Variants in ANO4 observed in about 807,000 individuals in gnomAD.
ANO4 encodes the protein anoctamin 4, also known as anoctamin-4.
Under a neutral mutation model 141.9 loss-of-function variants are expected in ANO4, and 69 were observed. That is an observed-to-expected ratio of 0.49 (90% CI 0.40 to 0.59). ANO4 has a LOEUF of 0.59. Ranked by LOEUF, ANO4 falls within the 20% of genes least tolerant of loss-of-function variation. The pLI, the probability that ANO4 is intolerant of heterozygous loss-of-function variation, is 0.00. For synonymous variants in ANO4, 350 were observed against 394.3 expected (o/e 0.89, Z 1.33); for missense variants, 894 against 1,162.2 (o/e 0.77, Z 3.36).
chr12:100,843,274 A>G (rs2037378532), intron 1 of ANO4, among the ~76,000 whole-genome samples: 1 of 152,200 alleles, frequency 6.6e-6, no homozygotes, highest in African/African-American at 2.4e-5. Context: ...CAGCATCAAT[A>G]TCATGATTCT....
chr12:100,973,426 T>C (rs1007379466), intron 6 of ANO4, among the ~76,000 whole-genome samples: 4 of 152,234 alleles, frequency 2.6e-5, no homozygotes, highest in African/African-American at 9.6e-5. Context: ...AAGTTTAGTC[T>C]CCATGGATTT....
intron 14 of ANO4, among the ~76,000 whole-genome samples, chr12:101,048,640 G>C (rs1364583444): frequency 6.6e-6 from 1 of 152,166 alleles, no homozygotes; most frequent in Non-Finnish European, 1.5e-5. Context: ...TATTAGAGTA[G>C]AATTTACTTT....
chr12:100,903,915 C>G (rs961454816), intron 2 of ANO4, among the ~76,000 whole-genome samples: 3 of 152,242 alleles, frequency 2.0e-5, no homozygotes, highest in African/African-American at 7.2e-5. Context: ...ACCATCGCAT[C>G]TGAGTATATC....
chr12:100,960,924 G>A (rs956803513), intron 5 of ANO4, among the ~76,000 whole-genome samples: 5 of 152,180 alleles, frequency 3.3e-5, no homozygotes, highest in Admixed American at 6.5e-5. Context: ...GTGAAGGGAC[G>A]TTTGGAATTT....
chr12:100,753,962 C>A (rs2135506042), intron 3 of ANO4, among the ~76,000 whole-genome samples: 1 of 152,320 alleles, frequency 6.6e-6, no homozygotes, highest in East Asian at 1.9e-4. Context: ...AAACACAGAG[C>A]AAAGAGTCAT....
chr12:100,784,405 C>T (rs2033801399), intron 3 of ANO4, among the ~76,000 whole-genome samples: 1 of 152,156 alleles, frequency 6.6e-6, no homozygotes, highest in Admixed American at 6.5e-5. Context: ...CTACCCTTAC[C>T]TTGGGGTTTA....
At chr12:100,717,867 G>A (rs1006943548) in intron 1 of ANO4, among the ~76,000 whole-genome samples, 2 of 152,198 alleles carry the variant, frequency 1.3e-5, no homozygotes, top group African/African-American at 4.8e-5. Flanking sequence ...TCCTCTAGCG[G>A]GGTGAGGCTT....
intron 17 of ANO4, 30 bp from the exon 18 acceptor site, chr12:101,094,226 T>C: frequency 6.3e-7 from 1 of 1,588,538 alleles, no homozygotes; most frequent in South Asian, 1.1e-5. Flanking sequence ...GTGCAGTTCA[T>C]TTATTAAATG....
At chr12:100,798,158 A>C (rs2034451012) in intron 1 of ANO4, among the ~76,000 whole-genome samples, 1 of 152,088 alleles carries the variant, frequency 6.6e-6, no homozygotes, top group South Asian at 2.1e-4. Context: ...TAAGAGGGGG[A>C]GTTTATGGGT....
chr12:100,848,645 G>C (rs1261187761), intron 1 of ANO4, among the ~76,000 whole-genome samples: 1 of 152,136 alleles, frequency 6.6e-6, no homozygotes, highest in African/African-American at 2.4e-5. Context: ...GACTTCTCCT[G>C]GTCCATTGCT....
At chr12:101,022,579 A>C (rs694121) in intron 9 of ANO4, among the ~76,000 whole-genome samples, 2 of 151,902 alleles carry the variant, frequency 1.3e-5, no homozygotes, top group Admixed American at 1.3e-4. Flanking sequence ...CCTTTTTACG[A>C]ACTTTTTTCA....
intron 1 of ANO4, among the ~76,000 whole-genome samples, chr12:100,811,717 T>C (rs185320050): frequency 6.6e-6 from 1 of 152,312 alleles, no homozygotes; most frequent in East Asian, 1.9e-4. Flanking sequence ...TTTAGTTAAC[T>C]GTACAGTAAA....
rs538164853 is a variant in ANO4, at chr12:100,864,784, C to T, written c.-140-36862C>T. ...ATGCGCCATGGTGGTTTGCTGCACCCATCAACCCGTCATCTACATTTTAGG... is the reference window on the plus strand; with the variant it reads ...ATGCGCCATGGTGGTTTGCTGCACCTATCAACCCGTCATCTACATTTTAGG... On this transcript the variant is annotated intron_variant, in intron 1 of 27. Transcript: ENST00000392977. Among the ~76,000 whole-genome samples the T allele has an allele frequency of 2.6e-5, 4 of 152,276 alleles. No individual in the cohort carries two copies. In the South Asian group the frequency reaches 8.3e-4, roughly 32 times the overall value.
chr12:101,085,835 A>C (rs906989196), intron 16 of ANO4, among the ~76,000 whole-genome samples: 1 of 152,190 alleles, frequency 6.6e-6, no homozygotes, highest in African/African-American at 2.4e-5. Context: ...GGTGCTGTAG[A>C]AACCATGTGA....
chr12:100,977,910 ACAT>A (rs1419172588), intron 7 of ANO4, among the ~76,000 whole-genome samples: 1 of 152,092 alleles, frequency 6.6e-6, no homozygotes, highest in Non-Finnish European at 1.5e-5. Context: ...TCGTTTCCAA[ACAT>A]ATGTTATGCT....
At chr12:100,950,298 T>C (rs117839924) in intron 5 of ANO4, among the ~76,000 whole-genome samples, 1,771 of 152,310 alleles carry the variant, frequency 0.012, 19 homozygotes, top group Non-Finnish European at 0.02. Context: ...CTCAATCTTC[T>C]TATATGTCAC....
chr12:100,758,168 G>A (rs1463793394), intron 3 of ANO4, among the ~76,000 whole-genome samples: 2 of 152,208 alleles, frequency 1.3e-5, no homozygotes, highest in Non-Finnish European at 1.5e-5. Context: ...GAATTGCACT[G>A]CTCATGGAAA....
intron 22 of ANO4, among the ~76,000 whole-genome samples, chr12:101,104,106 T>TA (rs2050314747): frequency 6.6e-6 from 1 of 152,010 alleles, no homozygotes; most frequent in African/African-American, 2.4e-5. Flanking sequence ...TATAATTTCA[T>TA]AGTTTGTGCT....
intron 1 of ANO4, among the ~76,000 whole-genome samples, chr12:100,718,371 C>T (rs1307773151): frequency 1.3e-5 from 2 of 152,168 alleles, no homozygotes; most frequent in African/African-American, 2.4e-5. Context: ...AGTAGACCTC[C>T]CTCCCTTCCT....
Sources: allele counts gnomAD v4.1 joint callset (sites outside exome capture counted in the v4.1 genomes callset), GRCh38; gene constraint gnomAD v4.1.1; transcripts MANE v1.5; gene names NCBI Gene and HGNC (gene_info 2026-07-23, HGNC 2026-07-21).